ZNF804A: variants seen among roughly 807,000 people sequenced by gnomAD.
The protein encoded by ZNF804A is zinc finger protein 804A.
Under a neutral mutation model 16.5 loss-of-function variants are expected in ZNF804A, and 2 were observed. The ratio of observed to expected loss-of-function variants is 0.12; its 90% CI spans 0.05 to 0.38. ZNF804A has a LOEUF of 0.38. Among genes scored for constraint, ZNF804A ranks in the 10% least tolerant of loss-of-function variants. The pLI is 0.99. For synonymous variants in ZNF804A, 534 were observed against 489.6 expected, an observed-to-expected ratio of 1.09 and a Z score of -1.20; for missense variants, 1,473 against 1,390.7, an observed-to-expected ratio of 1.06 and a Z score of -0.94.
At chr2:184,741,512 T>A (rs1031583873) in intron 1 of ZNF804A, among the ~76,000 whole-genome samples, 3 of 152,088 alleles carry the variant, frequency 2.0e-5, no homozygotes, top group Admixed American at 1.3e-4. Flanking sequence ...ACTGTGTGAC[T>A]CAAAGTCCCC....
intron 1 of ZNF804A, among the ~76,000 whole-genome samples, chr2:184,832,737 G>A (rs1695284314): frequency 6.6e-6 from 1 of 151,476 alleles, no homozygotes; most frequent in Non-Finnish European, 1.5e-5. Flanking sequence ...ATACATAAAT[G>A]TTATACAATC....
intron 1 of ZNF804A, among the ~76,000 whole-genome samples, chr2:184,771,470 G>C (rs912714713): frequency 1.3e-5 from 2 of 151,954 alleles, no homozygotes; most frequent in Non-Finnish European, 2.9e-5. Context: ...CCTGGGGCTA[G>C]TTGGGGTGGC....
chr2:184,851,686 C>A (rs767188435), intron 1 of ZNF804A, among the ~76,000 whole-genome samples: 12 of 151,820 alleles, frequency 7.9e-5, no homozygotes, highest in Non-Finnish European at 1.5e-4. Flanking sequence ...AATTTCATTT[C>A]TTTTGGATAT....
intron 1 of ZNF804A, among the ~76,000 whole-genome samples, chr2:184,603,596 A>C (rs1031510650): frequency 2.6e-5 from 4 of 152,180 alleles, no homozygotes; most frequent in African/African-American, 9.7e-5. Context: ...GCACTTTAAG[A>C]GTGTGCATGT....
At chr2:184,746,455 G>A (rs1693791535) in intron 1 of ZNF804A, among the ~76,000 whole-genome samples, 1 of 151,472 alleles carries the variant, frequency 6.6e-6, no homozygotes, top group African/African-American at 2.4e-5. Flanking sequence ...TAAGGTACAT[G>A]AGATATTTTG....
At chr2:184,886,828 C>T (rs1054573575) in intron 2 of ZNF804A, among the ~76,000 whole-genome samples, 1 of 152,240 alleles carries the variant, frequency 6.6e-6, no homozygotes, top group African/African-American at 2.4e-5. Flanking sequence ...GCCTGGCCCA[C>T]AAAACCACTT....
intron 1 of ZNF804A, among the ~76,000 whole-genome samples, chr2:184,668,909 T>A (rs1476045734): frequency 6.6e-6 from 1 of 152,046 alleles, no homozygotes; most frequent in East Asian, 1.9e-4. Flanking sequence ...TGAGATCTGC[T>A]ATTTAAGTTT....
rs1385424953 is a variant in ZNF804A, at chr2:184,598,629, G to T, written c.-331G>T. The T allele has an allele frequency of 1.1e-5, 2 of 179,644 alleles. No individual in the cohort carries two copies. Among genetic ancestry groups the T allele is most frequent in the South Asian group, 1.9e-4 (1 of 5,160 alleles). The allele number at this position is 179,644 out of a possible 1,614,324, so 11.1% of individuals were successfully genotyped here. A position where few individuals can be genotyped will look rare whatever the true frequency, so the allele number is the denominator to read the frequency against. On this transcript the variant is annotated 5_prime_UTR_variant, in exon 1 of 4. Coordinates refer to ENST00000302277, the MANE Select transcript of ZNF804A (RefSeq NM_194250.2). ...CAGCCCCGCTCCGCCCGGCCACCGC[G>T]CGGGCACTGACTCCCGCTCGGTTCC...
intron 1 of ZNF804A, among the ~76,000 whole-genome samples, chr2:184,654,521 G>A (rs1028243886): frequency 6.6e-6 from 1 of 152,072 alleles, no homozygotes; most frequent in African/African-American, 2.4e-5. Flanking sequence ...TTGTTTGGCT[G>A]TTGTTTGTAT....
rs371359614 is a variant in ZNF804A, at chr2:184,937,753, A to G, written c.2357A>G (p.Asn786Ser). The G allele has an allele frequency of 2.2e-5, 35 of 1,613,906 alleles. No homozygotes were observed. The highest frequency in any genetic ancestry group is 2.9e-5 in the Non-Finnish European group (34 of 1,179,982). Residue 786 changes from asparagine to serine, a missense_variant, in exon 4 of 4, where the codon AAT becomes AGT. Asn to Ser is a conservative substitution (Grantham distance 46, BLOSUM62 1). Transcript: ENST00000302277. Reference sequence around the variant, plus strand: ...TCTTATTCTTCAGATGAAAGTTTAAATCGACAGAATCATTTACCAGAAGAA... The same window carrying G: ...TCTTATTCTTCAGATGAAAGTTTAAGTCGACAGAATCATTTACCAGAAGAA... ...SHSYSSDESL[N>S]RQNHLPEEFL...
At chr2:184,700,756 TC>T (rs1692906954) in intron 1 of ZNF804A, among the ~76,000 whole-genome samples, 1 of 152,042 alleles carries the variant, frequency 6.6e-6, no homozygotes, top group African/African-American at 2.4e-5. Context: ...GCCATTGTTA[TC>T]TAAGTTAAAA....
At chr2:184,859,125 C>G (rs1695751193) in intron 1 of ZNF804A, among the ~76,000 whole-genome samples, 4 of 151,986 alleles carry the variant, frequency 2.6e-5, no homozygotes, top group South Asian at 4.1e-4. Flanking sequence ...AGATCTTTGA[C>G]CTTCCTGTAC....
At chr2:184,909,023 A>G (rs935731580) in intron 2 of ZNF804A, among the ~76,000 whole-genome samples, 11 of 152,094 alleles carry the variant, frequency 7.2e-5, no homozygotes, top group Admixed American at 6.6e-4. Flanking sequence ...TTACAGTTTC[A>G]TAAGTTGAAA....
At chr2:184,853,168 T>C (rs979606091) in intron 1 of ZNF804A, among the ~76,000 whole-genome samples, 12 of 151,906 alleles carry the variant, frequency 7.9e-5, no homozygotes, top group Non-Finnish European at 1.8e-4. Flanking sequence ...GTTAAATTTA[T>C]GCCCATTATT....
At chr2:184,617,709 T>A (rs1480111433) in intron 1 of ZNF804A, among the ~76,000 whole-genome samples, 1 of 151,652 alleles carries the variant, frequency 6.6e-6, no homozygotes, top group Non-Finnish European at 1.5e-5. Flanking sequence ...TGTGGTTAAG[T>A]CAATTATTTA....
chr2:184,840,182 A>G (rs1028746767), intron 1 of ZNF804A, among the ~76,000 whole-genome samples: 1 of 152,194 alleles, frequency 6.6e-6, no homozygotes, highest in Non-Finnish European at 1.5e-5. Context: ...TGAGGTCAGG[A>G]GTTCGAGTCC....
At chr2:184,883,521 C>G (rs1213476338) in intron 2 of ZNF804A, among the ~76,000 whole-genome samples, 1 of 151,902 alleles carries the variant, frequency 6.6e-6, no homozygotes, top group Non-Finnish European at 1.5e-5. Flanking sequence ...TTGCAAAAAT[C>G]CTCATCTATG....
intron 1 of ZNF804A, among the ~76,000 whole-genome samples, chr2:184,795,904 A>T (rs1694623386): frequency 6.6e-6 from 1 of 152,126 alleles, no homozygotes; most frequent in Non-Finnish European, 1.5e-5. Context: ...GACCAATAAC[A>T]ATCAGAGAGA....
intron 2 of ZNF804A, among the ~76,000 whole-genome samples, chr2:184,897,695 C>G (rs1685110253): frequency 6.6e-6 from 1 of 152,118 alleles, no homozygotes; most frequent in Non-Finnish European, 1.5e-5. Flanking sequence ...GGTTTGCAAT[C>G]TAATACTACC....
Sources: allele counts gnomAD v4.1 joint callset (sites outside exome capture counted in the v4.1 genomes callset), GRCh38; gene constraint gnomAD v4.1.1; transcripts MANE v1.5; gene names NCBI Gene and HGNC (gene_info 2026-07-23, HGNC 2026-07-21).